The following EYA1 variants were observed in gnomAD, a reference collection of about 807,000 sequenced individuals.
EYA1 encodes the protein protein phosphatase EYA1.
Under a neutral mutation model 82.0 loss-of-function variants are expected in EYA1, and 16 were observed. The ratio of observed to expected loss-of-function variants is 0.20; its 90% CI spans 0.13 to 0.30. EYA1 has a LOEUF of 0.30. Among genes scored for constraint, EYA1 ranks in the 10% least tolerant of loss-of-function variants. The pLI is 1.00. For synonymous variants in EYA1, 261 were observed against 264.4 expected, an observed-to-expected ratio of 0.99 and a Z score of 0.12; for missense variants, 633 against 730.7, an observed-to-expected ratio of 0.87 and a Z score of 1.54.
chr8:71,321,123 T>C (rs1822489659), intron 6 of EYA1, among the ~76,000 whole-genome samples: 1 of 152,176 alleles, frequency 6.6e-6, no homozygotes, highest in Non-Finnish European at 1.5e-5. Context: ...TATTGACCCA[T>C]AAAAAGTGAG....
At chr8:71,511,898 G>A (rs373743389) in intron 2 of EYA1, among the ~76,000 whole-genome samples, 31 of 152,250 alleles carry the variant, frequency 2.0e-4, no homozygotes, top group East Asian at 1.7e-3. Context: ...GCAGGCTTCC[G>A]TATGGGTTCC....
At chr8:71,452,315 C>A (rs1270466017) in intron 2 of EYA1, among the ~76,000 whole-genome samples, 1 of 152,206 alleles carries the variant, frequency 6.6e-6, no homozygotes, top group African/African-American at 2.4e-5. Flanking sequence ...AGGAGGCCTG[C>A]CTGCCTCTGT....
chr8:71,547,472 T>C (rs1286335539), intron 1 of EYA1: 2 of 152,030 alleles, frequency 1.3e-5, no homozygotes, highest in Non-Finnish European at 2.9e-5. Context: ...CAAGGCCCCA[T>C]TATTGCGCGC....
At chr8:71,206,388 AT>A (rs1379651930) in intron 17 of EYA1, among the ~76,000 whole-genome samples, 1 of 151,948 alleles carries the variant, frequency 6.6e-6, no homozygotes, top group East Asian at 1.9e-4. Flanking sequence ...TGCTGGGCTA[AT>A]TTTTGTACTT....
intron 11 of EYA1, among the ~76,000 whole-genome samples, chr8:71,246,020 G>A (rs1408967249): frequency 6.6e-6 from 1 of 152,188 alleles, no homozygotes; most frequent in Non-Finnish European, 1.5e-5. Context: ...GGTATTTGCA[G>A]TTTTATCCTG....
chr8:71,472,967 A>G (rs901666045), intron 2 of EYA1, among the ~76,000 whole-genome samples: 3 of 152,038 alleles, frequency 2.0e-5, no homozygotes, highest in Admixed American at 6.6e-5. Context: ...ATGGTTTGCA[A>G]ATATTTTTCC....
chr8:71,271,622 T>C, intron 10 of EYA1, 136 bp downstream of exon 10: 1 of 923,832 alleles, frequency 1.1e-6, no homozygotes, highest in Non-Finnish European at 1.8e-6. Context: ...ACTTTATCTA[T>C]TGTTAATATA....
intron 3 of EYA1, among the ~76,000 whole-genome samples, chr8:71,340,770 AC>A (rs1274332554): frequency 6.6e-6 from 1 of 151,862 alleles, no homozygotes; most frequent in Non-Finnish European, 1.5e-5. Context: ...GACCAAAAAA[AC>A]TCAGCTACAT....
chr8:71,511,076 A>G (rs893610770), intron 2 of EYA1, among the ~76,000 whole-genome samples: 1 of 152,118 alleles, frequency 6.6e-6, no homozygotes, highest in Non-Finnish European at 1.5e-5. Flanking sequence ...TTACTGTAAG[A>G]GTCTCCTAAA....
chr8:71,433,107 G>C (rs533064943), intron 2 of EYA1, among the ~76,000 whole-genome samples: 1 of 152,046 alleles, frequency 6.6e-6, no homozygotes, highest in Admixed American at 6.6e-5. Flanking sequence ...CCACACTCAG[G>C]AACCCTACAC....
At chr8:71,280,486 C>T (rs1167163066) in intron 9 of EYA1, among the ~76,000 whole-genome samples, 3 of 152,228 alleles carry the variant, frequency 2.0e-5, no homozygotes, top group Non-Finnish European at 4.4e-5. Context: ...TTCTCCTCTC[C>T]TGTAAGGCAG....
In EYA1 at chr8:71,198,827, G is replaced by T. The variant is rs1347744726; in HGVS notation, c.*513C>A. On this transcript the variant is annotated 3_prime_UTR_variant, in exon 18 of 18. Transcript: ENST00000340726. The stretch of plus-strand genomic sequence containing the variant: ...GGGTGAATTATACCTCAATAAAGCT[G>T]TTTTTTTATCTTTTTAAAAAAAGTC... The T allele has an allele frequency of 7.4e-6, 1 of 135,496 alleles. No homozygotes were observed. The highest frequency in any genetic ancestry group is 1.6e-5 in the Non-Finnish European group (1 of 63,224). 8.4% of individuals were successfully genotyped at this position (135,496 alleles called of 1,614,324 possible).
At chr8:71,435,985 T>C (rs1805982689) in intron 2 of EYA1, among the ~76,000 whole-genome samples, 1 of 152,148 alleles carries the variant, frequency 6.6e-6, no homozygotes, top group Non-Finnish European at 1.5e-5. Context: ...ACCAATATCA[T>C]TTTAATTTTG....
chr8:71,404,356 C>T (rs1389986780), intron 2 of EYA1: 2 of 152,154 alleles, frequency 1.3e-5, no homozygotes, highest in Non-Finnish European at 2.9e-5. Context: ...ACTTGAATGG[C>T]TTGCTACTAA....
intron 2 of EYA1, among the ~76,000 whole-genome samples, chr8:71,431,110 T>C (rs1805589395): frequency 6.6e-6 from 1 of 152,198 alleles, no homozygotes; most frequent in Non-Finnish European, 1.5e-5. Flanking sequence ...ACTCAGCTAC[T>C]ACACAAGAAA....
At chr8:71,251,625 A>G (rs2128917017) in intron 11 of EYA1, among the ~76,000 whole-genome samples, 1 of 152,338 alleles carries the variant, frequency 6.6e-6, no homozygotes, top group Admixed American at 6.5e-5. Flanking sequence ...GTAAATAATG[A>G]TGAAATTGGC....
At chr8:71,317,731 A>C in intron 6 of EYA1, 42 bp from the exon 7 acceptor site, 1 of 1,600,932 alleles carries the variant, frequency 6.2e-7, no homozygotes, top group East Asian at 2.2e-5. Flanking sequence ...TCCATTTTCA[A>C]AAGCTGGTAA....
intron 17 of EYA1, among the ~76,000 whole-genome samples, chr8:71,206,792 A>T (rs546153066): frequency 1.3e-5 from 2 of 151,764 alleles, no homozygotes; most frequent in African/African-American, 4.8e-5. Context: ...ATCTCATTCT[A>T]TCATCCCAGC....
At chr8:71,242,199 C>T (rs1483884052) in intron 12 of EYA1, among the ~76,000 whole-genome samples, 2 of 151,798 alleles carry the variant, frequency 1.3e-5, no homozygotes, top group Non-Finnish European at 2.9e-5. Context: ...GAGCAAGACC[C>T]TATCTCAAAA....
Sources: allele counts gnomAD v4.1 joint callset (sites outside exome capture counted in the v4.1 genomes callset), GRCh38; gene constraint gnomAD v4.1.1; transcripts MANE v1.5; gene names NCBI Gene and HGNC (gene_info 2026-07-23, HGNC 2026-07-21).